NCAM1: variants seen among roughly 807,000 people sequenced by gnomAD.
NCAM1 encodes neural cell adhesion molecule 1.
NCAM1 carries 14 observed loss-of-function variants against 109.8 expected under a neutral mutation model. That is an observed-to-expected ratio of 0.13 (90% CI 0.08 to 0.20). The LOEUF (loss-of-function observed/expected upper bound fraction) is 0.20. Ranked by LOEUF, NCAM1 falls within the 10% of genes least tolerant of loss-of-function variation. NCAM1 has a pLI of 1.00. For missense variants in NCAM1, 774 were observed against 1,109.9 expected (o/e 0.70, Z 4.30); for synonymous variants, 418 against 442.9 (o/e 0.94, Z 0.70).
At chr11:113,088,824 T>C (rs1270981794) in intron 1 of NCAM1, among the ~76,000 whole-genome samples, 1 of 152,244 alleles carries the variant, frequency 6.6e-6, no homozygotes, top group African/African-American at 2.4e-5. Context: ...CCATTTTTCA[T>C]AAGTAGATTA....
intron 15 of NCAM1, among the ~76,000 whole-genome samples, chr11:113,252,763 G>A (rs1266070674): frequency 7.3e-6 from 1 of 137,612 alleles, no homozygotes; most frequent in African/African-American, 2.7e-5. Flanking sequence ...AGCCTCTTCA[G>A]TAGCTGGGAT....
At chr11:113,027,118 T>C (rs892209376) in intron 1 of NCAM1, among the ~76,000 whole-genome samples, 1 of 152,236 alleles carries the variant, frequency 6.6e-6, no homozygotes, top group Non-Finnish European at 1.5e-5. Flanking sequence ...AAGAAATCAA[T>C]ATGACTCAAT....
chr11:113,262,984 T>C (rs1946051613), intron 17 of NCAM1: 2 of 1,575,896 alleles, frequency 1.3e-6, no homozygotes, highest in East Asian at 4.6e-5. Flanking sequence ...AAAAGATCAG[T>C]GCCCCCTTTG....
At chr11:113,001,416 T>C (rs1555072411) in intron 1 of NCAM1, among the ~76,000 whole-genome samples, 1 of 152,216 alleles carries the variant, frequency 6.6e-6, no homozygotes, top group Non-Finnish European at 1.5e-5. Context: ...ATAATGGTCA[T>C]GGTTTATTGG....
intron 1 of NCAM1, among the ~76,000 whole-genome samples, chr11:113,083,405 G>A (rs1938932972): frequency 6.6e-6 from 1 of 152,136 alleles, no homozygotes; most frequent in African/African-American, 2.4e-5. Flanking sequence ...TGGGAGGTGA[G>A]TATGACACTA....
intron 1 of NCAM1, chr11:113,133,660 T>C (rs1205810892): frequency 2.0e-5 from 3 of 151,798 alleles, no homozygotes; most frequent in African/African-American, 7.3e-5. Flanking sequence ...ATGTGTGTGA[T>C]GGGGGAGGAA....
chr11:112,965,232 T>C (rs1340711352), intron 1 of NCAM1, among the ~76,000 whole-genome samples: 2 of 150,106 alleles, frequency 1.3e-5, no homozygotes, highest in Non-Finnish European at 3.0e-5. Flanking sequence ...AGAATTAAGA[T>C]AGTAATTGCA....
At chr11:113,033,133 T>TGC (rs1435944989) in intron 1 of NCAM1, among the ~76,000 whole-genome samples, 1 of 152,224 alleles carries the variant, frequency 6.6e-6, no homozygotes, top group Non-Finnish European at 1.5e-5. Context: ...GACACATCAC[T>TGC]GCTTCTGGTT....
intron 1 of NCAM1, among the ~76,000 whole-genome samples, chr11:112,972,452 T>C (rs960989943): frequency 3.3e-5 from 5 of 152,064 alleles, no homozygotes; most frequent in Admixed American, 1.3e-4. Flanking sequence ...GAACCAGAGC[T>C]TAGTGGCACA....
chr11:113,045,962 G>A (rs1194341942), intron 1 of NCAM1, among the ~76,000 whole-genome samples: 1 of 152,072 alleles, frequency 6.6e-6, no homozygotes, highest in African/African-American at 2.4e-5. Context: ...GAGCCACAAA[G>A]CTATAGGTAA....
intron 1 of NCAM1, among the ~76,000 whole-genome samples, chr11:113,037,529 T>C (rs1468294100): frequency 3.3e-5 from 5 of 152,154 alleles, no homozygotes; most frequent in African/African-American, 9.7e-5. Flanking sequence ...GTCTCCATCA[T>C]CACTGGACCC....
intron 1 of NCAM1, among the ~76,000 whole-genome samples, chr11:113,134,596 G>A (rs1250983815): frequency 6.6e-6 from 1 of 152,064 alleles, no homozygotes. Flanking sequence ...CTCATCTTGA[G>A]GCTTAGTGGC....
chr11:113,240,787 G>T (rs200008092), intron 14 of NCAM1: 2 of 1,612,948 alleles, frequency 1.2e-6, no homozygotes, highest in African/African-American at 1.3e-5. Context: ...TTTCTTCAGC[G>T]GCATCTGCTA....
intron 1 of NCAM1, among the ~76,000 whole-genome samples, chr11:113,046,832 A>C (rs1953284812): frequency 6.6e-6 from 1 of 152,116 alleles, no homozygotes; most frequent in African/African-American, 2.4e-5. Flanking sequence ...AAAAGAAAGA[A>C]AGAAAGGACA....
intron 15 of NCAM1, among the ~76,000 whole-genome samples, chr11:113,249,871 A>T (rs149010411): frequency 1.2e-3 from 185 of 152,272 alleles, no homozygotes; most frequent in Non-Finnish European, 2.4e-3. Flanking sequence ...ACCCCAACAC[A>T]TACTCTCACA....
intron 1 of NCAM1, among the ~76,000 whole-genome samples, chr11:113,063,324 A>T (rs1937768982): frequency 6.6e-6 from 1 of 152,146 alleles, no homozygotes; most frequent in Admixed American, 6.5e-5. Context: ...GTTAATGCCG[A>T]GATAGCCTTC....
rs373707640 is a variant in NCAM1, at chr11:113,032,429, C to A, written c.52+70765C>A. 1.4e-4 allele frequency among the ~76,000 whole-genome samples: 21 copies of A among 152,288 alleles called. 1 individual carries two copies. The East Asian group carries it at 1.5e-3, about 11-fold the overall frequency. ...GGATTCAGGCACCTCTATCCCCCAGCCCTTCCCAGAATCCCCTGCATCCCG... is the reference window on the plus strand; with the variant it reads ...GGATTCAGGCACCTCTATCCCCCAGACCTTCCCAGAATCCCCTGCATCCCG... On this transcript the variant is annotated intron_variant, in intron 1 of 19. Transcript: ENST00000316851.
chr11:113,112,873 C>T (rs4471463), intron 1 of NCAM1, among the ~76,000 whole-genome samples: 85,796 of 151,924 alleles, frequency 0.56, 24,604 homozygotes, highest in African/African-American at 0.61. Context: ...GTCTCACACC[C>T]GTAATCCCAG....
At chr11:113,177,512 C>T (rs1943197690) in intron 1 of NCAM1, among the ~76,000 whole-genome samples, 2 of 152,186 alleles carry the variant, frequency 1.3e-5, no homozygotes, top group African/African-American at 4.8e-5. Flanking sequence ...CAGCTCACTG[C>T]AACCTCTGCC....
Sources: gnomAD v4.1 joint callset for allele counts (sites outside exome capture counted in the v4.1 genomes callset) on GRCh38, gnomAD v4.1.1 for gene constraint, MANE v1.5 for transcripts, NCBI Gene and HGNC (gene_info 2026-07-23, HGNC 2026-07-21) for gene names.